Variants in MVB12B observed in about 807,000 individuals in gnomAD.
MVB12B encodes multivesicular body subunit 12B, also known as ESCRT-I complex subunit MVB12B.
In MVB12B, 16 loss-of-function variants were observed where a neutral mutation model predicts 41.6. The ratio of observed to expected loss-of-function variants is 0.38; its 90% CI spans 0.26 to 0.58. The LOEUF is 0.58. Ranked by LOEUF, MVB12B falls within the 20% of genes least tolerant of loss-of-function variation. MVB12B has a pLI of 0.62. For missense variants in MVB12B, 274 were observed against 380.2 expected, an observed-to-expected ratio of 0.72 and a Z score of 2.32; for synonymous variants, 133 against 139.7, an observed-to-expected ratio of 0.95 and a Z score of 0.34.
chr9:126,427,170 TG>T (rs1832204469), intron 7 of MVB12B, among the ~76,000 whole-genome samples: 1 of 152,210 alleles, frequency 6.6e-6, no homozygotes, highest in East Asian at 1.9e-4. Flanking sequence ...TGCTTTTCAA[TG>T]ATTATAACTC....
chr9:126,397,142 C>T, intron 6 of MVB12B: 1 of 985,502 alleles, frequency 1.0e-6, no homozygotes, highest in Non-Finnish European at 1.2e-6. Context: ...CTGGAAAGCC[C>T]CCACAGGAGC....
At chr9:126,438,563 G>C (rs1266803954) in intron 7 of MVB12B, among the ~76,000 whole-genome samples, 1 of 152,200 alleles carries the variant, frequency 6.6e-6, no homozygotes, top group African/African-American at 2.4e-5. Context: ...CAGGTTCTCA[G>C]ATAACACTCT....
chr9:126,396,617 T>C (rs1831121454), intron 6 of MVB12B: 2 of 985,414 alleles, frequency 2.0e-6, no homozygotes, highest in South Asian at 4.7e-5. Context: ...TCTGTTCCTC[T>C]GTGCCAAGCC....
chr9:126,493,562 G>T (rs1427409772), intron 9 of MVB12B, among the ~76,000 whole-genome samples: 1 of 152,122 alleles, frequency 6.6e-6, no homozygotes, highest in Non-Finnish European at 1.5e-5. Context: ...GGCGAAGGAA[G>T]TTCCGAAAAG....
intron 9 of MVB12B, among the ~76,000 whole-genome samples, chr9:126,489,625 C>T (rs1833691049): frequency 1.3e-5 from 2 of 152,190 alleles, no homozygotes; most frequent in Admixed American, 6.5e-5. Flanking sequence ...TGAAGGAAGC[C>T]GTGATTCATA....
intron 1 of MVB12B, among the ~76,000 whole-genome samples, chr9:126,339,364 A>T (rs535016486): frequency 1.1e-4 from 16 of 152,356 alleles, no homozygotes; most frequent in Non-Finnish European, 2.2e-4. Flanking sequence ...ACCTGCAGCC[A>T]GTGGAGTTTA....
intron 9 of MVB12B, among the ~76,000 whole-genome samples, chr9:126,496,003 GTCAC>G (rs139116409): frequency 0.014 from 2,176 of 152,214 alleles, 54 homozygotes; most frequent in African/African-American, 0.049. Flanking sequence ...GGGATGGGCT[GTCAC>G]TCAGTCATGC....
At chr9:126,412,415 T>A (rs567633380) in intron 6 of MVB12B, among the ~76,000 whole-genome samples, 1 of 152,126 alleles carries the variant, frequency 6.6e-6, no homozygotes, top group East Asian at 1.9e-4. Flanking sequence ...GCCCCCACAA[T>A]CCATTCCTCT....
At chr9:126,444,062 G>A (rs1832708154) in intron 7 of MVB12B, among the ~76,000 whole-genome samples, 1 of 152,144 alleles carries the variant, frequency 6.6e-6, no homozygotes, top group African/African-American at 2.4e-5. Flanking sequence ...TTTGAGACCT[G>A]TTCATGTACC....
rs765285868 is a variant in MVB12B at position 126,395,526 on chromosome 9, A to G, written c.540-49A>G. 14 of 1,602,884 alleles carry G rather than the reference A, an allele frequency of 8.7e-6. No individual in the cohort carries two copies. In the East Asian group the frequency reaches 8.9e-5, roughly 10 times the overall value. Reference sequence around the variant, plus strand: ...ATTGGTTTGCTTTGTCACTCAGGTAAATGCTTTGTGCTAACCAGAGCCATG... The same window carrying G: ...ATTGGTTTGCTTTGTCACTCAGGTAGATGCTTTGTGCTAACCAGAGCCATG... On this transcript the variant is annotated intron_variant, in intron 5 of 9. Coordinates refer to ENST00000361171, the MANE Select transcript of MVB12B (RefSeq NM_033446.3). This position sits in a 1 kb window ranked among gnomAD's most constrained non-coding sequence, Gnocchi z 4.9.
At chr9:126,497,451 C>T (rs933803252) in intron 9 of MVB12B, among the ~76,000 whole-genome samples, 2 of 151,972 alleles carry the variant, frequency 1.3e-5, no homozygotes, top group African/African-American at 4.8e-5. Flanking sequence ...ACCCCGAGGC[C>T]TTGGTCAGGT....
chr9:126,393,680 A>G (rs1831022542), intron 5 of MVB12B, among the ~76,000 whole-genome samples: 1 of 152,240 alleles, frequency 6.6e-6, no homozygotes. Context: ...CCAGAAGGAA[A>G]TAGATGTTCA....
rs1832050144 is a variant in MVB12B, at chr9:126,422,365, G to A, written c.757+417G>A. Among the ~76,000 whole-genome samples the A allele has an allele frequency of 2.0e-5, 3 of 152,112 alleles. No homozygotes were observed. In the South Asian group the frequency reaches 6.2e-4, roughly 32 times the overall value. On this transcript the variant is annotated intron_variant, in intron 7 of 9. Transcript: ENST00000361171. ...TCTCACAGCCAGGTTTGTGGCCAGCGGGTACACTGGCGGTCTCCCCTCACA... is the reference window on the plus strand; with the variant it reads ...TCTCACAGCCAGGTTTGTGGCCAGCAGGTACACTGGCGGTCTCCCCTCACA...
rs780778672 is a variant in MVB12B at position 126,333,365 on chromosome 9, G to A, written c.81+6355G>A. The stretch of plus-strand genomic sequence containing the variant: ...CTCCCAAGGTGCTGGGATTACAGGC[G>A]TGAGCCACTGCGCCTGGCCATGACC... On this transcript the variant is annotated intron_variant, in intron 1 of 9. Coordinates refer to ENST00000361171, the MANE Select transcript of MVB12B (RefSeq NM_033446.3). The surrounding 1 kb of genome is among the most constrained non-coding windows in gnomAD (Gnocchi z 4.7). 2.3e-4 allele frequency among the ~76,000 whole-genome samples: 35 copies of A among 152,046 alleles called. No individual in the cohort carries two copies. Among genetic ancestry groups the A allele is most frequent in the African/African-American group, 3.4e-4 (14 of 41,456 alleles).
chr9:126,351,302 TC>T (rs1029636053), intron 2 of MVB12B, among the ~76,000 whole-genome samples: 10 of 152,274 alleles, frequency 6.6e-5, no homozygotes, highest in African/African-American at 2.4e-4. Context: ...TTCTTATGAT[TC>T]CTTGTGATTT....
At chr9:126,483,213 C>A (rs1833562346) in intron 8 of MVB12B, among the ~76,000 whole-genome samples, 2 of 152,318 alleles carry the variant, frequency 1.3e-5, no homozygotes, top group South Asian at 4.1e-4. Flanking sequence ...CCAGGAGCCA[C>A]ATGGACTGGA....
At chr9:126,327,799 C>T (rs911021092) in intron 1 of MVB12B, among the ~76,000 whole-genome samples, 1 of 152,144 alleles carries the variant, frequency 6.6e-6, no homozygotes, top group Non-Finnish European at 1.5e-5. Flanking sequence ...TGTTCCCTGC[C>T]CCTCAACACC....
In MVB12B at chr9:126,410,141, T is replaced by TTGTGTGTG. The variant is rs3222493; in HGVS notation, c.663-11688_663-11681dup. Reference sequence around the variant, plus strand: ...TTGTCCAATGCACAGTGATTTGGTTTTGTGTGTGTGTGTGTGTGTGTGTGT... The same window carrying TTGTGTGTG: ...TTGTCCAATGCACAGTGATTTGGTTTTGTGTGTGTGTGTGTGTGTGTGTGTGTGTGTGT... On this transcript the variant is annotated intron_variant, in intron 6 of 9. Transcript: ENST00000361171. Among the ~76,000 whole-genome samples, 512 of 148,562 alleles carry TTGTGTGTG rather than the reference T, an allele frequency of 3.4e-3. 2 individuals are homozygous for TTGTGTGTG. Among genetic ancestry groups the TTGTGTGTG allele is most frequent in the African/African-American group, 9.8e-3 (392 of 40,110 alleles).
At chr9:126,366,616 T>C (rs1368509308) in intron 2 of MVB12B, among the ~76,000 whole-genome samples, 2 of 152,202 alleles carry the variant, frequency 1.3e-5, no homozygotes, top group African/African-American at 4.8e-5. Flanking sequence ...CATCGGATAT[T>C]CTTCTATAGT....
Sources: gnomAD v4.1 joint callset for allele counts (sites outside exome capture counted in the v4.1 genomes callset) on GRCh38, gnomAD v4.1.1 for gene constraint, Gnocchi (gnomAD v3.1) non-coding constraint, MANE v1.5 for transcripts, NCBI Gene and HGNC (gene_info 2026-07-23, HGNC 2026-07-21) for gene names.